Variants in MYT1L observed in about 807,000 individuals in gnomAD.
MYT1L encodes the protein myelin transcription factor 1 like.
MYT1L carries 12 observed loss-of-function variants against 126.7 expected under a neutral mutation model. The ratio of observed to expected loss-of-function variants is 0.09; its 90% CI spans 0.06 to 0.15. The LOEUF is 0.15. MYT1L is among the 10% of genes least tolerant of loss of function. The pLI is 1.00. For synonymous variants in MYT1L, 541 were observed against 604.2 expected (o/e 0.90, Z 1.53); for missense variants, 979 against 1,585.2 (o/e 0.62, Z 6.49).
At chr2:2,320,095 T>C (rs1464622362) in intron 1 of MYT1L, among the ~76,000 whole-genome samples, 1 of 152,034 alleles carries the variant, frequency 6.6e-6, no homozygotes, top group Non-Finnish European at 1.5e-5. Context: ...AAATAATTAA[T>C]ATATGTGCAA....
chr2:1,837,860 C>T lies in MYT1L; in HGVS notation c.3080+1289G>A, dbSNP rs139669186. Among the ~76,000 whole-genome samples, 360 of 149,414 alleles carry T rather than the reference C, an allele frequency of 2.4e-3. 3 individuals carry two copies. Among genetic ancestry groups the T allele is most frequent in the African/African-American group, 8.2e-3 (332 of 40,532 alleles). Reference sequence around the variant, plus strand: ...GCCTGCCTTTGAGAAGGGATTAGGTCGGGGAAAGGACATTCAATTTCTCTC... The same window carrying T: ...GCCTGCCTTTGAGAAGGGATTAGGTTGGGGAAAGGACATTCAATTTCTCTC... On this transcript the variant is annotated intron_variant, in intron 21 of 24. Coordinates refer to ENST00000647738, the MANE Select transcript of MYT1L (RefSeq NM_001303052.2).
intron 3 of MYT1L, among the ~76,000 whole-genome samples, chr2:2,057,242 A>G (rs1229366412): frequency 6.6e-6 from 1 of 152,002 alleles, no homozygotes; most frequent in Non-Finnish European, 1.5e-5. Flanking sequence ...CCCCGCCCAC[A>G]TCCTGCCCTT....
chr2:1,795,028 G>A (rs148656006), intron 23 of MYT1L, among the ~76,000 whole-genome samples: 253 of 152,200 alleles, frequency 1.7e-3, no homozygotes, highest in Middle Eastern at 3.4e-3. Flanking sequence ...TGCATCCCCC[G>A]TGGCCCCTGA....
At chr2:1,996,598 G>A (rs113663752) in intron 5 of MYT1L, among the ~76,000 whole-genome samples, 10 of 134,728 alleles carry the variant, frequency 7.4e-5, no homozygotes, top group East Asian at 2.3e-4. Context: ...AGTGAGGGCC[G>A]CCCTGCCTCA....
At chr2:2,322,038 C>A (rs983137448) in intron 1 of MYT1L, among the ~76,000 whole-genome samples, 2 of 152,030 alleles carry the variant, frequency 1.3e-5, no homozygotes, top group African/African-American at 4.8e-5. Context: ...CACATATACA[C>A]GCACTCACAA....
At chr2:2,076,294 A>T (rs1229406389) in intron 3 of MYT1L, among the ~76,000 whole-genome samples, 1 of 152,210 alleles carries the variant, frequency 6.6e-6, no homozygotes, top group Admixed American at 6.5e-5. Context: ...TTCCTGGGTG[A>T]CCCCGAGGCT....
chr2:2,180,619 TG>T (rs2091332609), intron 2 of MYT1L, among the ~76,000 whole-genome samples: 1 of 123,228 alleles, frequency 8.1e-6, no homozygotes, highest in Non-Finnish European at 1.8e-5. Flanking sequence ...CTTATGTACC[TG>T]TGTGTAGCTG....
intron 2 of MYT1L, among the ~76,000 whole-genome samples, chr2:2,251,135 T>C (rs1488550513): frequency 4.6e-5 from 7 of 152,196 alleles, no homozygotes; most frequent in Non-Finnish European, 1.0e-4. Flanking sequence ...ATTAGATCAT[T>C]CTGTCCTTCA....
At chr2:2,263,632 C>T (rs59254513) in intron 2 of MYT1L, among the ~76,000 whole-genome samples, 3,317 of 152,224 alleles carry the variant, frequency 0.022, 114 homozygotes, top group African/African-American at 0.075. Flanking sequence ...ATGCAGCTCA[C>T]GCCCCAGGAT....
At chr2:2,203,809 C>A (rs1167405104) in intron 2 of MYT1L, among the ~76,000 whole-genome samples, 2 of 152,276 alleles carry the variant, frequency 1.3e-5, no homozygotes, top group South Asian at 2.1e-4. Flanking sequence ...CCAAGTCAAT[C>A]CTAAGCCAAA....
chr2:2,192,957 T>C (rs1184928239), intron 2 of MYT1L, among the ~76,000 whole-genome samples: 2 of 152,036 alleles, frequency 1.3e-5, no homozygotes, highest in East Asian at 1.9e-4. Context: ...ACTCCCTGGC[T>C]CTTCAGGTTT....
chr2:2,068,787 T>TTTTTTTTTTTTTTTTTTTTTTTG, intron 3 of MYT1L, among the ~76,000 whole-genome samples: 1 of 142,200 alleles, frequency 7.0e-6, no homozygotes, highest in Non-Finnish European at 1.5e-5. Flanking sequence ...TTTTTTTTTT[T>TTTTTTTTTTTTTTTTTTTTTTTG]TTTTTTTTTT....
At chr2:2,232,219 G>A (rs2094178226) in intron 2 of MYT1L, among the ~76,000 whole-genome samples, 1 of 152,242 alleles carries the variant, frequency 6.6e-6, no homozygotes, top group African/African-American at 2.4e-5. Context: ...AGAGGGGACA[G>A]TCAGCATCCA....
intron 8 of MYT1L, among the ~76,000 whole-genome samples, chr2:1,959,903 G>C (rs2058820830): frequency 6.6e-6 from 1 of 152,216 alleles, no homozygotes; most frequent in Non-Finnish European, 1.5e-5. Flanking sequence ...TATACATTTA[G>C]ATAGAAGAAG....
intron 2 of MYT1L, among the ~76,000 whole-genome samples, chr2:2,268,396 T>A (rs1439940270): frequency 1.3e-5 from 2 of 152,170 alleles, no homozygotes. Flanking sequence ...ACATGTAAAG[T>A]GCAAAACAGC....
intron 3 of MYT1L, among the ~76,000 whole-genome samples, chr2:2,056,461 T>C (rs2069576490): frequency 6.6e-6 from 1 of 152,244 alleles, no homozygotes; most frequent in South Asian, 2.1e-4. Flanking sequence ...GCAGGGTATA[T>C]GATGCTGCTG....
In MYT1L at chr2:2,004,813, G is replaced by T. The variant is rs1397156075; in HGVS notation, c.-157-7466C>A. On this transcript the variant is annotated intron_variant, in intron 4 of 24. Coordinates refer to ENST00000647738, the MANE Select transcript of MYT1L (RefSeq NM_001303052.2). ...TTTCCTGCATGTGTTCTTTCCTGCA[G>T]GCATTCTTTCCTGCATGTGTTCTTT... Among the ~76,000 whole-genome samples, 622 of 129,054 alleles carry T rather than the reference G, an allele frequency of 4.8e-3. 9 individuals are homozygous for T. Among genetic ancestry groups the T allele is most frequent in the African/African-American group, 0.018 (592 of 33,072 alleles). 84.7% of individuals were successfully genotyped at this position (129,054 alleles called of 152,430 possible).
chr2:1,900,603 G>A (rs557267014), intron 14 of MYT1L, among the ~76,000 whole-genome samples: 12 of 152,296 alleles, frequency 7.9e-5, no homozygotes, highest in Admixed American at 6.5e-5. Context: ...CCGGCCAGGA[G>A]GCTTTTAAAA....
chr2:1,899,092 C>T (rs1203474317), intron 14 of MYT1L, among the ~76,000 whole-genome samples: 1 of 151,766 alleles, frequency 6.6e-6, no homozygotes, highest in African/African-American at 2.4e-5. Flanking sequence ...GGATTAGGCC[C>T]CCAAGGGTGG....
Sources: gnomAD v4.1 joint callset for allele counts (sites outside exome capture counted in the v4.1 genomes callset) on GRCh38, gnomAD v4.1.1 for gene constraint, MANE v1.5 for transcripts, NCBI Gene and HGNC (gene_info 2026-07-23, HGNC 2026-07-21) for gene names.